DST: variants seen among roughly 807,000 people sequenced by gnomAD.
The protein encoded by DST is bullous pemphigoid antigen.
In DST, 253 loss-of-function variants were observed where a neutral mutation model predicts 875.2. The ratio of observed to expected loss-of-function variants is 0.29; its 90% confidence interval spans 0.26 to 0.32. The LOEUF (loss-of-function observed/expected upper bound fraction) is 0.32, where lower values mean the gene tolerates loss of function less well. Ranked by LOEUF, DST falls within the 10% of genes least tolerant of loss-of-function variation. The probability of loss-of-function intolerance (pLI) is 1.00; values close to 1 mark genes in which losing one functional copy is unlikely to be tolerated. For synonymous variants in DST, 3,124 were observed against 3,197.1 expected, an observed-to-expected ratio of 0.98 and a Z score of 0.77; for missense variants, 8,287 against 9,111.6, an observed-to-expected ratio of 0.91 and a Z score of 3.68.
At chr6:56,499,712 C>T (rs1300838660) in intron 80 of DST, among the ~76,000 whole-genome samples, 3 of 152,046 alleles carry the variant, frequency 2.0e-5, no homozygotes, top group African/African-American at 7.2e-5. Flanking sequence ...TACCTATCCC[C>T]CACCAAAATA....
intron 71 of DST, 40 bp from the exon 72 acceptor site, chr6:56,515,708 AACGAGC>A (rs1165578115): frequency 6.6e-7 from 1 of 1,506,014 alleles, no homozygotes; most frequent in African/African-American, 1.4e-5. Flanking sequence ...TGGTCAGGCC[AACGAGC>A]ACACACACTC....
In DST at chr6:56,535,013, C is replaced by T. The variant is rs2152521510; in HGVS notation, c.16941+109G>A. On this transcript the variant is annotated intron_variant, in intron 63 of 103. Coordinates refer to ENST00000680361, the MANE Select transcript of DST (RefSeq NM_001374736.1). Reference sequence around the variant, plus strand: ...AACAAAATAATGTCTACAGCAGCAACAACCGGTTAACTAGGTTATCCTATT... The same window carrying T: ...AACAAAATAATGTCTACAGCAGCAATAACCGGTTAACTAGGTTATCCTATT... The T allele has an allele frequency of 3.1e-6, 4 of 1,273,174 alleles. No individual in the cohort carries two copies. The South Asian group carries it at 4.2e-5, about 13-fold the overall frequency. 78.9% of individuals were successfully genotyped at this position (1,273,174 alleles called of 1,614,324 possible).
chr6:56,873,350 C>T (rs1379982069), intron 3 of DST, among the ~76,000 whole-genome samples: 1 of 152,102 alleles, frequency 6.6e-6, no homozygotes, highest in East Asian at 1.9e-4. Flanking sequence ...GATGTGATCC[C>T]ACTTGTCAAT....
intron 93 of DST, 67 bp from the exon 94 acceptor site, chr6:56,472,289 T>G: frequency 1.4e-6 from 2 of 1,468,888 alleles, no homozygotes; most frequent in South Asian, 1.3e-5. Context: ...AGGCTTGACC[T>G]TTTTTGCTTC....
chr6:56,552,027 C>T (rs1420440232), intron 61 of DST, among the ~76,000 whole-genome samples, 157 bp downstream of exon 61: 1 of 152,196 alleles, frequency 6.6e-6, no homozygotes, highest in Non-Finnish European at 1.5e-5. Flanking sequence ...AACTGCCCCA[C>T]CTGCCTGGGT....
chr6:56,929,908 C>A (rs1452400245), intron 2 of DST, among the ~76,000 whole-genome samples: 1 of 152,204 alleles, frequency 6.6e-6, no homozygotes, highest in Non-Finnish European at 1.5e-5. Context: ...ATGAATGATT[C>A]ATTTCTTATC....
At chr6:56,954,192 C>T (rs1456663146) in intron 1 of DST, among the ~76,000 whole-genome samples, 1 of 152,174 alleles carries the variant, frequency 6.6e-6, no homozygotes, top group Non-Finnish European at 1.5e-5. Context: ...CCCTCCCTGC[C>T]CTCGGCATCG....
intron 61 of DST, among the ~76,000 whole-genome samples, chr6:56,545,819 C>T (rs2097211704): frequency 6.6e-6 from 1 of 152,140 alleles, no homozygotes; most frequent in African/African-American, 2.4e-5. Flanking sequence ...GGCCTGATAG[C>T]TCTTGAAATC....
intron 5 of DST, among the ~76,000 whole-genome samples, chr6:56,729,449 G>C (rs1389493542): frequency 6.6e-6 from 1 of 152,118 alleles, no homozygotes; most frequent in Non-Finnish European, 1.5e-5. Flanking sequence ...AATTAGCTGG[G>C]CGTGGTGGCA....
At chr6:56,492,555 A>C in intron 84 of DST, 122 bp from the exon 85 acceptor site, 3 of 1,021,112 alleles carry the variant, frequency 2.9e-6, no homozygotes, top group Non-Finnish European at 4.3e-6. Flanking sequence ...CGAAATACCA[A>C]ATGCATGCTT....
chr6:56,848,832 C>T (rs1253730514), intron 4 of DST, among the ~76,000 whole-genome samples: 3 of 151,802 alleles, frequency 2.0e-5, no homozygotes, highest in Non-Finnish European at 1.5e-5. Flanking sequence ...GTACGGAGTT[C>T]GAGACCAGCC....
Position 56,504,083 on chromosome 6 carries a change from C to T in DST, c.19480G>A (p.Val6494Ile). Reference protein sequence around the residue: ...QDGLQAVFDWVDIAGGKLASM... With the variant: ...QDGLQAVFDWIDIAGGKLASM... ...GCTAATTTACCACCTGCAATATCTA[C>T]CCAGTCAAATACCGCCTGAAAGACA... Residue 6494 changes from valine to isoleucine, a missense_variant, in exon 78 of 104, where the codon GTA (valine) becomes ATA (isoleucine). By Grantham distance (29) the Val-to-Ile change is conservative. Coordinates refer to ENST00000680361, the MANE Select transcript of DST (RefSeq NM_001374736.1). 1 of 1,608,798 alleles carries T rather than the reference C, an allele frequency of 6.2e-7. No homozygotes were observed.
intron 4 of DST, among the ~76,000 whole-genome samples, chr6:56,737,619 T>C (rs970121931): frequency 2.6e-5 from 4 of 152,218 alleles, no homozygotes; most frequent in African/African-American, 9.6e-5. Context: ...CAGACAGCAC[T>C]GCTCTAGAAC....
intron 5 of DST, among the ~76,000 whole-genome samples, chr6:56,717,192 A>T (rs2099398353): frequency 8.1e-6 from 1 of 123,254 alleles, no homozygotes; most frequent in African/African-American, 6.1e-5. Context: ...CAAATAAATA[A>T]ATAAATAAAT....
intron 9 of DST, chr6:56,692,491 C>A: frequency 7.8e-7 from 1 of 1,289,462 alleles, no homozygotes; most frequent in Non-Finnish European, 1.0e-6. Context: ...AGGGCAAAAT[C>A]TCTCAGTGTT....
chr6:56,642,361 C>G, intron 16 of DST, 49 bp downstream of exon 16: 1 of 1,316,920 alleles, frequency 7.6e-7, no homozygotes, highest in Non-Finnish European at 1.1e-6. Flanking sequence ...CATCCAAACG[C>G]ACAGTGACTC....
chr6:56,593,778 G>A lies in DST; in HGVS notation c.12611C>T (p.Ala4204Val). 1 of 1,613,920 alleles carries A rather than the reference G, an allele frequency of 6.2e-7. No homozygotes were observed. Among genetic ancestry groups the A allele is most frequent in the Non-Finnish European group, 8.5e-7 (1 of 1,179,866 alleles). Residue 4204 changes from alanine to valine, a missense_variant, in exon 48 of 104, where the codon GCT (alanine) becomes GTT (valine). Coordinates refer to ENST00000680361, the MANE Select transcript of DST (RefSeq NM_001374736.1). ...ITISGNRVLE[A>V]AKSCSKRDGG... ...GTCTCTCTTGCTGCAAGATTTGGCAGCTTCCAACACTCTGTTTCCAGAAAT... is the reference window on the plus strand; with the variant it reads ...GTCTCTCTTGCTGCAAGATTTGGCAACTTCCAACACTCTGTTTCCAGAAAT...
At chr6:56,909,700 A>T (rs1798016188) in intron 2 of DST, among the ~76,000 whole-genome samples, 1 of 152,204 alleles carries the variant, frequency 6.6e-6, no homozygotes, top group African/African-American at 2.4e-5. Context: ...TTTCTGATTC[A>T]TTAAGTCTGG....
At chr6:56,622,293 G>T (rs2098696634) in intron 36 of DST, among the ~76,000 whole-genome samples, 1 of 152,146 alleles carries the variant, frequency 6.6e-6, no homozygotes, top group African/African-American at 2.4e-5. Flanking sequence ...AATCTCGGCT[G>T]GGCACGGTGG....
Sources: gnomAD v4.1 joint callset for allele counts (sites outside exome capture counted in the v4.1 genomes callset) on GRCh38, gnomAD v4.1.1 for gene constraint, MANE v1.5 for transcripts, NCBI Gene and HGNC (gene_info 2026-07-23, HGNC 2026-07-21) for gene names.